Variants in SAP30BP observed in about 807,000 individuals in gnomAD.
SAP30BP encodes the protein SAP30-binding protein.
In SAP30BP, 31 loss-of-function variants were observed where a neutral mutation model predicts 46.3. The ratio of observed to expected loss-of-function variants is 0.67; its 90% CI spans 0.50 to 0.90. The LOEUF (loss-of-function observed/expected upper bound fraction) is 0.90, where lower values mean the gene tolerates loss of function less well. Ranked by LOEUF, SAP30BP falls within the 40% of genes least tolerant of loss-of-function variation. The pLI is 0.00. For synonymous variants in SAP30BP, 169 were observed against 144.2 expected (o/e 1.17, Z -1.23); for missense variants, 312 against 391.0 (o/e 0.80, Z 1.70).
chr17:75,676,262 G>A (rs575101671), intron 3 of SAP30BP, among the ~76,000 whole-genome samples: 7 of 152,286 alleles, frequency 4.6e-5, no homozygotes, highest in South Asian at 2.1e-4. Context: ...TACATGATTT[G>A]ATATCGTCAG....
chr17:75,687,941 TGTGTGTGTGTGTGTGAGAGA>T (rs947239813), intron 3 of SAP30BP, among the ~76,000 whole-genome samples: 6 of 96,818 alleles, frequency 6.2e-5, no homozygotes, highest in Admixed American at 3.2e-4. Flanking sequence ...TGTGTGTGTG[TGTGTGTGTGTGTGTGAGAGA>T]GACAGAGAGA....
chr17:75,700,100 C>T (rs796355411), intron 5 of SAP30BP: 29 of 353,924 alleles, frequency 8.2e-5, no homozygotes, highest in African/African-American at 4.8e-4. Context: ...TCCAGCAGGG[C>T]GGCCCTGTCT....
At chr17:75,687,339 G>A (rs1372707094) in intron 3 of SAP30BP, among the ~76,000 whole-genome samples, 1 of 152,222 alleles carries the variant, frequency 6.6e-6, no homozygotes, top group Non-Finnish European at 1.5e-5. Context: ...TGCAGGGCCA[G>A]ATGTGGTGGC....
chr17:75,706,075 C>A lies in SAP30BP; in HGVS notation c.728C>A (p.Ala243Asp). ...TNATSTTTTT[A>D]STAVADAQKR... Reference sequence around the variant, plus strand: ...GCCACGTCCACCACCACTACCACTGCCAGCACAGCTGTTGCAGGTAGATTG... The same window carrying A: ...GCCACGTCCACCACCACTACCACTGACAGCACAGCTGTTGCAGGTAGATTG... Residue 243 changes from alanine to aspartate, a missense_variant, in exon 10 of 11, where the codon GCC becomes GAC. Transcript: ENST00000584667. The surrounding 1 kb of genome is among the most constrained non-coding windows in gnomAD (Gnocchi z 4.6). 6.2e-7 allele frequency: 1 copy of A among 1,613,062 alleles called. No homozygotes were observed. The highest frequency in any genetic ancestry group is 8.5e-7 in the Non-Finnish European group (1 of 1,179,650).
chr17:75,669,464 A>G (rs2059876410), intron 2 of SAP30BP, among the ~76,000 whole-genome samples: 1 of 152,076 alleles, frequency 6.6e-6, no homozygotes, highest in Non-Finnish European at 1.5e-5. Flanking sequence ...TCTGGTCTCT[A>G]ACTCCTGACC....
At chr17:75,670,134 CA>C (rs1474984781) in intron 2 of SAP30BP, among the ~76,000 whole-genome samples, 2 of 151,990 alleles carry the variant, frequency 1.3e-5, no homozygotes, top group African/African-American at 2.4e-5. Context: ...CCATCTTGGC[CA>C]ACATGGTGAA....
intron 4 of SAP30BP, 99 bp downstream of exon 4, chr17:75,693,581 T>G: frequency 9.1e-7 from 1 of 1,104,702 alleles, no homozygotes; most frequent in Non-Finnish European, 1.3e-6. Flanking sequence ...GGCTTCTGTC[T>G]GCTGTGAGCA....
At chr17:75,691,556 C>G in intron 3 of SAP30BP, 1 of 446,804 alleles carries the variant, frequency 2.2e-6, no homozygotes. Context: ...CCTTGAAGAG[C>G]CATTGCATGT....
At chr17:75,678,308 T>C (rs1168455707) in intron 3 of SAP30BP, among the ~76,000 whole-genome samples, 3 of 152,198 alleles carry the variant, frequency 2.0e-5, no homozygotes, top group African/African-American at 7.2e-5. Context: ...GGTGTAGCAT[T>C]TGCATTTAGC....
chr17:75,693,601 C>A, intron 4 of SAP30BP, 119 bp downstream of exon 4: 1 of 825,990 alleles, frequency 1.2e-6, no homozygotes, highest in Non-Finnish European at 1.9e-6. Flanking sequence ...ACTGTTGTCC[C>A]TTTGGCTCCC....
chr17:75,690,811 C>T (rs1304676424), intron 3 of SAP30BP: 1 of 455,068 alleles, frequency 2.2e-6, no homozygotes, highest in Admixed American at 2.4e-5. Flanking sequence ...ATTGATTCTC[C>T]AGAGCCTTGT....
At chr17:75,688,450 G>A (rs1457723139) in intron 3 of SAP30BP, among the ~76,000 whole-genome samples, 3 of 152,062 alleles carry the variant, frequency 2.0e-5, no homozygotes, top group South Asian at 2.1e-4. Context: ...CTGTGGCCTC[G>A]GGGCTGGCTG....
At chr17:75,696,557 AAAAAG>A (rs1311805500) in intron 4 of SAP30BP, among the ~76,000 whole-genome samples, 8 of 151,820 alleles carry the variant, frequency 5.3e-5, no homozygotes, top group Non-Finnish European at 8.8e-5. Flanking sequence ...TAAAAAAAAA[AAAAAG>A]AAAAGAAACA....
At chr17:75,674,484 CAG>C (rs1214855470) in intron 3 of SAP30BP, among the ~76,000 whole-genome samples, 1 of 151,412 alleles carries the variant, frequency 6.6e-6, no homozygotes, top group East Asian at 1.9e-4. Context: ...TTAATAGAGA[CAG>C]GGTTTCACCA....
chr17:75,670,837 T>C (rs1031479247), intron 2 of SAP30BP, among the ~76,000 whole-genome samples: 1 of 152,220 alleles, frequency 6.6e-6, no homozygotes, highest in African/African-American at 2.4e-5. Flanking sequence ...TATTAATATA[T>C]GGAGTGCTGT....
In SAP30BP at chr17:75,706,561, C is replaced by A; in HGVS notation, c.*40C>A. The A allele has an allele frequency of 6.3e-7, 1 of 1,580,866 alleles. No homozygotes were observed. The highest frequency in any genetic ancestry group is 8.7e-7 in the Non-Finnish European group (1 of 1,152,848). On this transcript the variant is annotated 3_prime_UTR_variant, in exon 11 of 11. Transcript: ENST00000584667. This position sits in a 1 kb window ranked among gnomAD's most constrained non-coding sequence, Gnocchi z 4.6. Reference sequence around the variant, plus strand: ...CTAGGACTTGAAAGGACCGTGCAGCCCAGTGACCACTGCCCAGTGGGAGGC... The same window carrying A: ...CTAGGACTTGAAAGGACCGTGCAGCACAGTGACCACTGCCCAGTGGGAGGC...
At chr17:75,677,084 T>C (rs2060001689) in intron 3 of SAP30BP, among the ~76,000 whole-genome samples, 1 of 151,276 alleles carries the variant, frequency 6.6e-6, no homozygotes, top group East Asian at 1.9e-4. Flanking sequence ...AAACTAATCA[T>C]TTTTACTGTC....
intron 2 of SAP30BP, among the ~76,000 whole-genome samples, chr17:75,670,868 T>C (rs1259102046): frequency 6.6e-6 from 1 of 152,230 alleles, no homozygotes; most frequent in African/African-American, 2.4e-5. Context: ...GGCTGAAATG[T>C]AGCTTTGTTG....
At chr17:75,682,702 G>T (rs933776834) in intron 3 of SAP30BP, among the ~76,000 whole-genome samples, 1 of 151,968 alleles carries the variant, frequency 6.6e-6, no homozygotes, top group Non-Finnish European at 1.5e-5. Flanking sequence ...AGTGGCTCAT[G>T]CCTGTAATCC....
Sources: allele counts gnomAD v4.1 joint callset (sites outside exome capture counted in the v4.1 genomes callset), GRCh38; gene constraint gnomAD v4.1.1; non-coding constraint Gnocchi (gnomAD v3.1); transcripts MANE v1.5; gene names NCBI Gene and HGNC (gene_info 2026-07-23, HGNC 2026-07-21).